Variants in SPTLC3 observed in about 807,000 individuals in gnomAD.
SPTLC3 encodes serine palmitoyltransferase 3.
SPTLC3 carries 36 observed loss-of-function variants against 59.3 expected under a neutral mutation model. The ratio of observed to expected loss-of-function variants is 0.61; its 90% CI spans 0.47 to 0.80. The LOEUF is 0.80. Among genes scored for constraint, SPTLC3 ranks in the 30% least tolerant of loss-of-function variants. The pLI, the probability that SPTLC3 is intolerant of heterozygous loss-of-function variation, is 0.00. For synonymous variants in SPTLC3, 257 were observed against 240.8 expected (o/e 1.07, Z -0.62); for missense variants, 625 against 685.1 (o/e 0.91, Z 0.98).
At chr20:13,148,349 C>T (rs953061900) in intron 9 of SPTLC3, among the ~76,000 whole-genome samples, 1 of 152,144 alleles carries the variant, frequency 6.6e-6, no homozygotes, top group African/African-American at 2.4e-5. Flanking sequence ...AGCCAGAAAT[C>T]AGAAGAGATA....
In SPTLC3 at chr20:13,154,101, G is replaced by A; in HGVS notation, c.1378G>A (p.Val460Ile). ...TATCTATGGCAATGAGAATGCTTCT[G>A]TTGTTCCTCTGCTTCTTTATATGCC... ...FIIYGNENASVVPLLLYMPGK... is the reference protein window; with the variant it reads ...FIIYGNENASIVPLLLYMPGK... Residue 460 changes from valine (V) to isoleucine (I), a missense_variant, in exon 10 of 12, where the codon GTT becomes ATT. Val to Ile is a conservative substitution (Grantham distance 29). Transcript: ENST00000399002. 1 of 1,614,144 alleles carries A rather than the reference G, an allele frequency of 6.2e-7. No individual in the cohort carries two copies. Among genetic ancestry groups the A allele is most frequent in the South Asian group, 1.1e-5 (1 of 91,086 alleles).
intron 1 of SPTLC3, among the ~76,000 whole-genome samples, chr20:13,020,348 A>AG (rs1985808089): frequency 2.2e-5 from 1 of 45,902 alleles, no homozygotes; most frequent in Non-Finnish European, 4.1e-5. Context: ...CCCATTTCTT[A>AG]AAAAAAAAAA....
chr20:13,156,793 A>G (rs1359038901), intron 10 of SPTLC3, among the ~76,000 whole-genome samples: 2 of 152,202 alleles, frequency 1.3e-5, no homozygotes. Flanking sequence ...CTCTGCAACA[A>G]TGATGATCAT....
intron 6 of SPTLC3, among the ~76,000 whole-genome samples, chr20:13,094,274 C>CTG (rs1173249184): frequency 2.0e-5 from 3 of 152,140 alleles, no homozygotes; most frequent in Non-Finnish European, 1.5e-5. Flanking sequence ...TTTTCCTCAT[C>CTG]TGTAAAATGA....
intron 2 of SPTLC3, among the ~76,000 whole-genome samples, chr20:13,056,718 ACCGCACCCAGCCCAT>A (rs1405527265): frequency 2.8e-5 from 4 of 144,630 alleles, no homozygotes; most frequent in African/African-American, 1.0e-4. Context: ...CCAAAGTGCC[ACCGCACCCAGCCCAT>A]CCTTAATCTT....
At chr20:13,057,365 C>T (rs1987771240) in intron 2 of SPTLC3, among the ~76,000 whole-genome samples, 1 of 152,074 alleles carries the variant, frequency 6.6e-6, no homozygotes, top group African/African-American at 2.4e-5. Flanking sequence ...CTTATATCCA[C>T]CTTTACTCAT....
chr20:13,061,092 T>C (rs895474948), intron 2 of SPTLC3, among the ~76,000 whole-genome samples: 3 of 152,194 alleles, frequency 2.0e-5, no homozygotes, highest in African/African-American at 7.2e-5. Flanking sequence ...AAACATCCTT[T>C]TTTCTCCACA....
At chr20:13,015,685 G>A (rs1483736096) in intron 1 of SPTLC3, among the ~76,000 whole-genome samples, 3 of 152,070 alleles carry the variant, frequency 2.0e-5, no homozygotes, top group Non-Finnish European at 2.9e-5. Context: ...TAATTGGAAA[G>A]ACTATGATAA....
At chr20:13,118,052 T>A (rs1052626536) in intron 8 of SPTLC3, among the ~76,000 whole-genome samples, 1 of 152,058 alleles carries the variant, frequency 6.6e-6, no homozygotes, top group Admixed American at 6.6e-5. Flanking sequence ...TGAATATCCA[T>A]CTGGTAGACA....
At chr20:13,073,895 G>A in intron 3 of SPTLC3, 2 of 553,102 alleles carry the variant, frequency 3.6e-6, no homozygotes, top group South Asian at 1.5e-5. Context: ...GGTCCTGTTT[G>A]TTGGTTCCCA....
At chr20:13,088,306 T>G (rs1005003665) in intron 4 of SPTLC3, among the ~76,000 whole-genome samples, 6 of 152,204 alleles carry the variant, frequency 3.9e-5, no homozygotes, top group Non-Finnish European at 7.4e-5. Flanking sequence ...ACACTTGTTT[T>G]TTGTTGTTGT....
chr20:13,132,707 A>G (rs1248411701), intron 9 of SPTLC3: 1 of 152,040 alleles, frequency 6.6e-6, no homozygotes, highest in Non-Finnish European at 1.5e-5. Flanking sequence ...TCTCTTTTAC[A>G]TCTCTGTGCT....
At chr20:13,087,519 G>T (rs1312471028) in intron 4 of SPTLC3, among the ~76,000 whole-genome samples, 1 of 152,144 alleles carries the variant, frequency 6.6e-6, no homozygotes, top group Non-Finnish European at 1.5e-5. Context: ...ATGGCCATTT[G>T]ATCTTCTTCC....
At chr20:13,133,943 T>A (rs1202112231) in intron 9 of SPTLC3, among the ~76,000 whole-genome samples, 1 of 152,206 alleles carries the variant, frequency 6.6e-6, no homozygotes, top group African/African-American at 2.4e-5. Context: ...ATCCCCTGTA[T>A]GACAAGCATC....
chr20:13,059,776 T>C (rs1987876584), intron 2 of SPTLC3, among the ~76,000 whole-genome samples: 1 of 152,206 alleles, frequency 6.6e-6, no homozygotes, highest in African/African-American at 2.4e-5. Flanking sequence ...CTCAAGCCCT[T>C]GATTTTAAGA....
chr20:13,066,835 T>A (rs769235295), intron 2 of SPTLC3, among the ~76,000 whole-genome samples: 6 of 151,900 alleles, frequency 3.9e-5, no homozygotes, highest in Non-Finnish European at 7.4e-5. Flanking sequence ...ATTAGAGAGA[T>A]GTTTGTTCTT....
chr20:13,060,411 T>A (rs979192646), intron 2 of SPTLC3, among the ~76,000 whole-genome samples: 8 of 137,608 alleles, frequency 5.8e-5, no homozygotes, highest in Middle Eastern at 3.6e-3. Flanking sequence ...TTTATTTATT[T>A]ATTTATCTGG....
At chr20:13,139,564 A>G (rs2038332495) in intron 9 of SPTLC3, among the ~76,000 whole-genome samples, 1 of 152,170 alleles carries the variant, frequency 6.6e-6, no homozygotes, top group Admixed American at 6.5e-5. Context: ...TTTCAGGCAC[A>G]TTTTCAAGGG....
At chr20:13,154,906 C>A (rs1232469256) in intron 10 of SPTLC3, among the ~76,000 whole-genome samples, 1 of 152,176 alleles carries the variant, frequency 6.6e-6, no homozygotes. Context: ...ACTGGCAGGG[C>A]ACAGTGGCTC....
Sources: allele counts gnomAD v4.1 joint callset (sites outside exome capture counted in the v4.1 genomes callset), GRCh38; gene constraint gnomAD v4.1.1; transcripts MANE v1.5; gene names NCBI Gene and HGNC (gene_info 2026-07-23, HGNC 2026-07-21).